The following DPP6 variants were observed in gnomAD, a reference collection of about 807,000 sequenced individuals.
The protein encoded by DPP6 is dipeptidyl peptidase like 6.
Under a neutral mutation model 122.6 loss-of-function variants are expected in DPP6, and 69 were observed. That is an observed-to-expected ratio of 0.56 (90% CI 0.46 to 0.69). The LOEUF (loss-of-function observed/expected upper bound fraction) is 0.69. DPP6 is among the 30% of genes least tolerant of loss of function. The probability of loss-of-function intolerance (pLI) is 0.00; values close to 1 mark genes in which losing one functional copy is unlikely to be tolerated. For synonymous variants in DPP6, 418 were observed against 433.1 expected (o/e 0.97, Z 0.43); for missense variants, 928 against 1,116.9 (o/e 0.83, Z 2.41).
intron 1 of DPP6, among the ~76,000 whole-genome samples, chr7:153,990,243 G>T (rs1336327776): frequency 1.9e-5 from 2 of 104,206 alleles, no homozygotes; most frequent in African/African-American, 7.9e-5. Context: ...CCCACCCTCA[G>T]GCAGCCCCAC....
rs544058580 is a variant in DPP6 at position 154,061,765 on chromosome 7, C to A, written c.243+8702C>A. Among the ~76,000 whole-genome samples, 3 of 107,584 alleles carry A rather than the reference C, an allele frequency of 2.8e-5. No individual in the cohort carries two copies. In the East Asian group the frequency reaches 9.6e-4, roughly 35 times the overall value. The allele number at this position is 107,584 out of a possible 152,430, so 70.6% of individuals were successfully genotyped here. On this transcript the variant is annotated intron_variant, in intron 1 of 25. Transcript: ENST00000377770. ...CCCTTTCCTCCCCTGGCTCTTTGCACCCCCATCGCAGGGAGGGAGGCACCC... is the reference window on the plus strand; with the variant it reads ...CCCTTTCCTCCCCTGGCTCTTTGCAACCCCATCGCAGGGAGGGAGGCACCC...
intron 1 of DPP6, among the ~76,000 whole-genome samples, chr7:153,987,471 G>A (rs1177169922): frequency 1.3e-5 from 2 of 152,222 alleles, no homozygotes; most frequent in African/African-American, 4.8e-5. Context: ...GAGTTAGTGG[G>A]AGATTCTCAA....
chr7:153,970,117 G>C (rs1478433094), intron 1 of DPP6, among the ~76,000 whole-genome samples: 1 of 152,168 alleles, frequency 6.6e-6, no homozygotes, highest in African/African-American at 2.4e-5. Context: ...CCTGTTCTTA[G>C]CTAATTTGAA....
chr7:154,534,213 T>C (rs1828061833), intron 3 of DPP6, among the ~76,000 whole-genome samples: 1 of 151,996 alleles, frequency 6.6e-6, no homozygotes, highest in Non-Finnish European at 1.5e-5. Context: ...TTCAACATCC[T>C]AAGAATAGAA....
chr7:154,408,910 G>A (rs1472251394), intron 1 of DPP6, among the ~76,000 whole-genome samples: 2 of 152,256 alleles, frequency 1.3e-5, no homozygotes, highest in Non-Finnish European at 2.9e-5. Flanking sequence ...GGAGGCCGAG[G>A]CTGGTGGACT....
intron 8 of DPP6, among the ~76,000 whole-genome samples, chr7:154,742,131 G>A (rs1191136075): frequency 1.3e-5 from 2 of 152,144 alleles, no homozygotes; most frequent in Non-Finnish European, 2.9e-5. Context: ...GATGAAGGAG[G>A]TCCAAGACAG....
intron 1 of DPP6, among the ~76,000 whole-genome samples, chr7:154,164,833 C>T (rs1797160732): frequency 6.6e-6 from 1 of 152,172 alleles, no homozygotes; most frequent in African/African-American, 2.4e-5. Flanking sequence ...CCACTGTATG[C>T]ACCTGTCACA....
intron 1 of DPP6, among the ~76,000 whole-genome samples, chr7:154,262,533 G>A (rs533815230): frequency 2.0e-5 from 3 of 152,092 alleles, no homozygotes; most frequent in South Asian, 4.2e-4. Context: ...CCTTGATCTC[G>A]GGCTTTCGGC....
In DPP6 at chr7:153,918,427, A is replaced by AAC. The variant is rs5888535; in HGVS notation, c.51+30732_51+30733dup. On this transcript the variant is annotated intron_variant, in intron 1 of 25. Transcript: ENST00000404039. ...CAAGGCAAAAAGAAGAGTTAATTAA[A>AAC]ACACACACACACACACACACACACA... Among the ~76,000 whole-genome samples the AAC allele has an allele frequency of 6.1e-3, 678 of 110,878 alleles. 8 individuals carry two copies. The highest frequency in any genetic ancestry group is 0.01 in the South Asian group (30 of 2,940). 72.7% of individuals were successfully genotyped at this position (110,878 alleles called of 152,430 possible). A position where few individuals can be genotyped will look rare whatever the true frequency, so the allele number is the denominator to read the frequency against.
chr7:154,128,453 G>A (rs1444164995), intron 1 of DPP6, among the ~76,000 whole-genome samples: 2 of 152,198 alleles, frequency 1.3e-5, no homozygotes, highest in African/African-American at 4.8e-5. Flanking sequence ...CCAGGCTGGA[G>A]TGCAGTGGTA....
chr7:154,834,881 C>A (rs898830221), intron 16 of DPP6, among the ~76,000 whole-genome samples: 1 of 152,136 alleles, frequency 6.6e-6, no homozygotes, highest in South Asian at 2.1e-4. Flanking sequence ...CGCAGGGCAC[C>A]CCTGCCCTGC....
Position 154,210,387 on chromosome 7 carries a change from G to C in DPP6, c.243+157324G>C, listed in dbSNP as rs76622945. ...TGTGTTAGTGAGTTGCTTGAACTCTGGGGCCAGGCTGCAGAATTGAGTGCC... is the reference window on the plus strand; with the variant it reads ...TGTGTTAGTGAGTTGCTTGAACTCTCGGGCCAGGCTGCAGAATTGAGTGCC... On this transcript the variant is annotated intron_variant, in intron 1 of 25. Transcript: ENST00000377770. Among the ~76,000 whole-genome samples, 531 of 152,272 alleles carry C rather than the reference G, an allele frequency of 3.5e-3. 4 individuals carry two copies. Among genetic ancestry groups the C allele is most frequent in the African/African-American group, 0.012 (510 of 41,560 alleles).
chr7:154,418,873 C>T (rs555152414), intron 1 of DPP6, among the ~76,000 whole-genome samples: 4 of 152,268 alleles, frequency 2.6e-5, no homozygotes, highest in Admixed American at 6.5e-5. Flanking sequence ...TCAGGACAAG[C>T]GTGTTCAAGT....
At chr7:153,941,595 G>A (rs968236920) in intron 1 of DPP6, among the ~76,000 whole-genome samples, 1 of 152,242 alleles carries the variant, frequency 6.6e-6, no homozygotes, top group African/African-American at 2.4e-5. Context: ...CAGGAAACAG[G>A]AGGTGACTGC....
rs1212343441 is a variant in DPP6, at chr7:154,320,479, T to TG, written c.244-125735_244-125734insG. On this transcript the variant is annotated intron_variant, in intron 1 of 25. Transcript: ENST00000377770. ...TAAAATAGCCAATTGTACTTTGTTT[T>TG]TTTTTTTGTTGTTGTTTTTCTTGAG... Among the ~76,000 whole-genome samples, 5 of 90,430 alleles carry TG rather than the reference T, an allele frequency of 5.5e-5. No homozygotes were observed. The East Asian group carries it at 2.0e-3, about 37-fold the overall frequency. 59.3% of individuals were successfully genotyped at this position (90,430 alleles called of 152,430 possible).
chr7:153,812,948 C>T, the DPP6 span, among the ~76,000 whole-genome samples: 13 of 152,124 alleles, frequency 8.5e-5, no homozygotes, highest in East Asian at 1.4e-3. Context: ...TAGATTTTAA[C>T]GGTAATGAAG....
chr7:154,743,903 T>C (rs1842925229), intron 8 of DPP6, among the ~76,000 whole-genome samples: 2 of 152,184 alleles, frequency 1.3e-5, no homozygotes, highest in Admixed American at 1.3e-4. Flanking sequence ...TACTGTACTT[T>C]CCATATGTAT....
At chr7:153,902,514 C>T (rs532752250) in intron 1 of DPP6, among the ~76,000 whole-genome samples, 2 of 152,228 alleles carry the variant, frequency 1.3e-5, no homozygotes, top group African/African-American at 2.4e-5. Flanking sequence ...ATCTAGTCTT[C>T]ACAAGGATGC....
intron 1 of DPP6, among the ~76,000 whole-genome samples, chr7:154,135,017 T>C (rs1795474421): frequency 1.3e-5 from 2 of 152,160 alleles, no homozygotes; most frequent in Middle Eastern, 3.2e-3. Context: ...GAACACTTCC[T>C]GTGAGCCCAT....
Sources: gnomAD v4.1 joint callset for allele counts (sites outside exome capture counted in the v4.1 genomes callset) on GRCh38, gnomAD v4.1.1 for gene constraint, MANE v1.5 for transcripts, NCBI Gene and HGNC (gene_info 2026-07-23, HGNC 2026-07-21) for gene names.